The following COL19A1 variants were observed in gnomAD, a reference collection of about 807,000 sequenced individuals.
The protein encoded by COL19A1 is collagen alpha-1(XIX) chain.
A neutral mutation model predicts 190.2 loss-of-function variants in COL19A1; 159 were observed. The observed-to-expected ratio is 0.84, with a 90% CI of 0.73 to 0.95. The LOEUF (loss-of-function observed/expected upper bound fraction) is 0.95, where lower values mean the gene tolerates loss of function less well. Among genes scored for constraint, COL19A1 ranks in the 40% least tolerant of loss-of-function variants. COL19A1 has a pLI of 0.00. For synonymous variants in COL19A1, 509 were observed against 458.9 expected (o/e 1.11, Z -1.39); for missense variants, 1,418 against 1,431.9 (o/e 0.99, Z 0.16).
At chr6:69,919,675 CAG>C (rs1324299953) in intron 4 of COL19A1, among the ~76,000 whole-genome samples, 2 of 152,084 alleles carry the variant, frequency 1.3e-5, no homozygotes, top group Non-Finnish European at 2.9e-5. Flanking sequence ...GGAATTGCTT[CAG>C]AGTTAATAAA....
At chr6:70,102,880 T>C (rs1334028598) in intron 16 of COL19A1, among the ~76,000 whole-genome samples, 1 of 152,198 alleles carries the variant, frequency 6.6e-6, no homozygotes, top group African/African-American at 2.4e-5. Flanking sequence ...GGCTTCTTCT[T>C]ACTTTACTGC....
chr6:70,201,058 T>G (rs533492217), intron 49 of COL19A1, among the ~76,000 whole-genome samples: 3 of 152,324 alleles, frequency 2.0e-5, no homozygotes, highest in African/African-American at 7.2e-5. Context: ...TTGGGTCTAT[T>G]CTGAAGTCAG....
chr6:69,900,185 G>A (rs1438710299), intron 3 of COL19A1, 54 bp from the exon 4 acceptor site: 13 of 1,201,872 alleles, frequency 1.1e-5, no homozygotes, highest in Non-Finnish European at 1.4e-5. Context: ...ATTCTGTTTA[G>A]AAATTAACAT....
At chr6:69,932,483 A>C (rs532631194) in intron 6 of COL19A1, among the ~76,000 whole-genome samples, 2 of 152,090 alleles carry the variant, frequency 1.3e-5, no homozygotes, top group South Asian at 4.1e-4. Flanking sequence ...AGTGTAAAAC[A>C]ATAGCTTTTT....
chr6:70,130,180 A>G lies in COL19A1; in HGVS notation c.1342-2A>G, dbSNP rs771218720. The G allele has an allele frequency of 1.9e-6, 3 of 1,612,234 alleles. No homozygotes were observed. The highest frequency in any genetic ancestry group is 2.5e-6 in the Non-Finnish European group (3 of 1,179,444). On this transcript the variant is annotated splice_acceptor_variant, in intron 17 of 50. Transcript: ENST00000620364. LOFTEE classifies it high-confidence loss of function. ...GTATTTTAAATTGTTTTTCACCCCT[A>G]GGGAAATGATGAACATGAAGCTGGA...
At position 70,144,264 on chromosome 6, in the gene COL19A1, G is replaced by A. The variant is rs1296850746; in HGVS notation, c.1680+1G>A. The A allele has an allele frequency of 6.2e-7, 1 of 1,611,552 alleles. No individual in the cohort carries two copies. The highest frequency in any genetic ancestry group is 1.1e-5 in the South Asian group (1 of 90,954). On this transcript the variant is annotated splice_donor_variant, in intron 24 of 50. Coordinates refer to ENST00000620364, the MANE Select transcript of COL19A1 (RefSeq NM_001858.6). LOFTEE classifies it high-confidence loss of function. ...AAAACAAGGCATTAAAGGAGAAAAG[G>A]TATAGTTTACATTTTCCTCATTTTA...
At chr6:69,945,419 C>T (rs974814545) in intron 9 of COL19A1, among the ~76,000 whole-genome samples, 35 of 152,020 alleles carry the variant, frequency 2.3e-4, no homozygotes, top group African/African-American at 8.0e-4. Context: ...GTAAGTTTCC[C>T]CTCATTTTCT....
chr6:70,148,862 G>A (rs1786846298), intron 27 of COL19A1, among the ~76,000 whole-genome samples: 2 of 151,870 alleles, frequency 1.3e-5, no homozygotes, highest in Non-Finnish European at 2.9e-5. Flanking sequence ...GGGAGGCGGA[G>A]GTTGCAGTGA....
chr6:70,021,543 A>G (rs971079973), intron 11 of COL19A1, among the ~76,000 whole-genome samples: 1 of 152,184 alleles, frequency 6.6e-6, no homozygotes, highest in African/African-American at 2.4e-5. Flanking sequence ...CATATTTTGT[A>G]TTGGTATTAA....
chr6:69,879,905 A>G (rs954670964), intron 2 of COL19A1: 2 of 510,090 alleles, frequency 3.9e-6, no homozygotes, highest in Admixed American at 7.1e-5. Context: ...TTACAAGTAT[A>G]CATACATGCA....
chr6:70,122,828 C>T (rs1784959697), intron 17 of COL19A1, among the ~76,000 whole-genome samples: 1 of 152,074 alleles, frequency 6.6e-6, no homozygotes, highest in Admixed American at 6.6e-5. Context: ...TATAAAATCC[C>T]AGTTTCTCTC....
At chr6:69,909,144 A>T (rs996968775) in intron 4 of COL19A1, among the ~76,000 whole-genome samples, 1 of 152,166 alleles carries the variant, frequency 6.6e-6, no homozygotes, top group Non-Finnish European at 1.5e-5. Context: ...AGAAGCTGCA[A>T]TTCATTTACA....
chr6:69,894,345 A>T (rs1769570104), intron 2 of COL19A1, among the ~76,000 whole-genome samples: 1 of 152,214 alleles, frequency 6.6e-6, no homozygotes, highest in African/African-American at 2.4e-5. Flanking sequence ...AGGCCTTAAT[A>T]GTTGTGAAGC....
chr6:69,970,473 C>T (rs1775367366), intron 11 of COL19A1, among the ~76,000 whole-genome samples: 1 of 152,068 alleles, frequency 6.6e-6, no homozygotes, highest in Non-Finnish European at 1.5e-5. Context: ...TACTTATTAA[C>T]TTTATCTAAA....
At chr6:69,984,705 T>C (rs1225770530) in intron 11 of COL19A1, among the ~76,000 whole-genome samples, 1 of 152,188 alleles carries the variant, frequency 6.6e-6, no homozygotes, top group Non-Finnish European at 1.5e-5. Flanking sequence ...GAGAAATATA[T>C]ATGCGAAGGA....
intron 14 of COL19A1, among the ~76,000 whole-genome samples, chr6:70,048,731 A>T (rs1780034847): frequency 6.6e-6 from 1 of 152,112 alleles, no homozygotes; most frequent in South Asian, 2.1e-4. Flanking sequence ...AATTAATATA[A>T]TTCTAATCCT....
chr6:70,162,019 A>G (rs1787840800), intron 35 of COL19A1, 66 bp downstream of exon 35: 1 of 1,409,948 alleles, frequency 7.1e-7, no homozygotes, highest in South Asian at 1.3e-5. Flanking sequence ...AGGTGAATTA[A>G]TTTTCTTCAT....
At position 70,081,561 on chromosome 6, in the gene COL19A1, C is replaced by T. The variant is rs557994860; in HGVS notation, c.1224+13085C>T. ...TACCAGAATGTAAATCAACACACAG[C>T]TCCCTTCATTGAGAAATTCTTGCTA... On this transcript the variant is annotated intron_variant, in intron 15 of 50. Transcript: ENST00000620364. Among the ~76,000 whole-genome samples the T allele has an allele frequency of 3.9e-5, 6 of 152,214 alleles. No individual in the cohort carries two copies. The East Asian group carries it at 1.2e-3, about 29-fold the overall frequency.
intron 46 of COL19A1, among the ~76,000 whole-genome samples, chr6:70,187,170 G>T (rs898144088): frequency 6.6e-6 from 1 of 152,054 alleles, no homozygotes; most frequent in Non-Finnish European, 1.5e-5. Context: ...GTGAGCCACC[G>T]CGCCTGGCCC....
Sources: gnomAD v4.1 joint callset for allele counts (sites outside exome capture counted in the v4.1 genomes callset) on GRCh38, gnomAD v4.1.1 for gene constraint, MANE v1.5 for transcripts, NCBI Gene and HGNC (gene_info 2026-07-23, HGNC 2026-07-21) for gene names.